The following COP1 variants were observed in gnomAD, a reference collection of about 807,000 sequenced individuals.
The protein encoded by COP1 is COP1 E3 ubiquitin ligase.
In COP1, 24 loss-of-function variants were observed where a neutral mutation model predicts 101.3. The observed-to-expected ratio is 0.24, with a 90% CI of 0.17 to 0.33. The LOEUF is 0.33. COP1 is among the 10% of genes least tolerant of loss of function. COP1 has a pLI of 1.00. For synonymous variants in COP1, 347 were observed against 341.9 expected, an observed-to-expected ratio of 1.01 and a Z score of -0.17; for missense variants, 663 against 906.2, an observed-to-expected ratio of 0.73 and a Z score of 3.45.
intron 18 of COP1, among the ~76,000 whole-genome samples, chr1:175,953,246 T>C (rs1033492198): frequency 2.0e-5 from 3 of 151,564 alleles, no homozygotes; most frequent in Middle Eastern, 3.5e-3. Context: ...AAACAGTATA[T>C]ACCTAATAAG....
At chr1:175,986,054 C>G in intron 18 of COP1, among the ~76,000 whole-genome samples, 1 of 152,174 alleles carries the variant, frequency 6.6e-6, no homozygotes. Flanking sequence ...GAGTCTCACT[C>G]TGTCGCCCAG....
intron 5 of COP1, 119 bp from the exon 6 acceptor site, chr1:176,149,193 A>G: frequency 2.1e-6 from 1 of 476,684 alleles, no homozygotes; most frequent in East Asian, 3.4e-5. Flanking sequence ...TTCGTCTATT[A>G]TTTCTATTTA....
intron 15 of COP1, among the ~76,000 whole-genome samples, chr1:176,008,459 T>C (rs761304489): frequency 1.3e-5 from 2 of 152,236 alleles, no homozygotes; most frequent in African/African-American, 2.4e-5. Flanking sequence ...ACAGAATTAT[T>C]TGTTTTTATT....
chr1:176,182,410 A>C (rs1273048589), intron 2 of COP1, among the ~76,000 whole-genome samples: 1 of 152,130 alleles, frequency 6.6e-6, no homozygotes, highest in Non-Finnish European at 1.5e-5. Flanking sequence ...AAGGGAGGAA[A>C]ATTTTGTCCC....
At chr1:176,040,691 ACT>A (rs1339750886) in intron 14 of COP1, among the ~76,000 whole-genome samples, 1 of 152,126 alleles carries the variant, frequency 6.6e-6, no homozygotes, top group Non-Finnish European at 1.5e-5. Context: ...ATGGCCCAAA[ACT>A]TTTTAGGGGC....
At chr1:176,020,276 C>T (rs1666521789) in intron 15 of COP1, among the ~76,000 whole-genome samples, 1 of 150,058 alleles carries the variant, frequency 6.7e-6, no homozygotes, top group African/African-American at 2.5e-5. Context: ...ACGCCATTGC[C>T]CTCCAGCCTG....
rs891214424 is a variant in COP1, at chr1:175,977,664, CA to C, written c.2133+9278del. ...TATGTGAGACTGTACAAGTAAAATA[CA>C]AAAAAAAGTTTCTTTTCCCCAGACA... On this transcript the variant is annotated intron_variant, in intron 18 of 19. Transcript: ENST00000367669. Among the ~76,000 whole-genome samples, 15 of 151,604 alleles carry C rather than the reference CA, an allele frequency of 9.9e-5. No individual in the cohort carries two copies. In the South Asian group the frequency reaches 1.9e-3, roughly 19 times the overall value.
intron 11 of COP1, among the ~76,000 whole-genome samples, chr1:176,071,524 G>A (rs1275870904): frequency 1.3e-5 from 2 of 152,058 alleles, no homozygotes; most frequent in African/African-American, 4.8e-5. Context: ...GAATAGGTAT[G>A]ATTTTGAAAA....
chr1:176,126,811 G>A (rs1396844707), intron 8 of COP1, among the ~76,000 whole-genome samples: 7 of 152,084 alleles, frequency 4.6e-5, no homozygotes, highest in Non-Finnish European at 2.9e-5. Flanking sequence ...CTTTCATTCT[G>A]TTGATGATTT....
intron 18 of COP1, among the ~76,000 whole-genome samples, chr1:175,980,002 T>G (rs2148672341): frequency 6.6e-6 from 1 of 151,874 alleles, no homozygotes; most frequent in East Asian, 1.9e-4. Context: ...ATAGCAAACA[T>G]GTATCGCTTT....
chr1:176,132,505 A>G (rs1298575883), intron 8 of COP1, among the ~76,000 whole-genome samples: 7 of 150,668 alleles, frequency 4.6e-5, no homozygotes, highest in African/African-American at 1.5e-4. Flanking sequence ...GGGGGTATGT[A>G]TGTGTGTGTG....
In COP1 at chr1:176,207,147, A is replaced by T; in HGVS notation, c.-169T>A. On this transcript the variant is annotated 5_prime_UTR_variant, in exon 1 of 20. Transcript: ENST00000367669. ...TTTTTTTTTAAGGCAGCCACACAAC[A>T]GCGTCCCACGGGAGGGGGCGGAGGA... is the stretch of plus-strand genomic sequence containing the variant. 1 of 475,434 alleles carries T rather than the reference A, an allele frequency of 2.1e-6. No homozygotes were observed. The highest frequency in any genetic ancestry group is 3.5e-6 in the Non-Finnish European group (1 of 283,602). The allele number at this position is 475,434 out of a possible 1,614,324, so 29.5% of individuals were successfully genotyped here.
At chr1:176,034,189 T>C (rs1669094763) in intron 14 of COP1, among the ~76,000 whole-genome samples, 1 of 152,152 alleles carries the variant, frequency 6.6e-6, no homozygotes, top group Non-Finnish European at 1.5e-5. Flanking sequence ...AAGAGTACCA[T>C]TTTTCCCCCT....
intron 1 of COP1, among the ~76,000 whole-genome samples, chr1:176,201,374 A>G: frequency 6.6e-6 from 1 of 152,164 alleles, no homozygotes; most frequent in Non-Finnish European, 1.5e-5. Flanking sequence ...GGTTAAAATA[A>G]TTATATAAAA....
chr1:176,100,385 T>C (rs1395070679), intron 9 of COP1: 1 of 56,308 alleles, frequency 1.8e-5, no homozygotes, highest in Non-Finnish European at 4.2e-5. Context: ...CGAGACTTTG[T>C]CTCAAAAAAA....
chr1:176,206,716 C>A lies in COP1; in HGVS notation c.263G>T (p.Arg88Leu). Reference protein sequence around the residue: ...GGGAVSTGLSRHSCAARPSAG... With the variant: ...GGGAVSTGLSLHSCAARPSAG... ...GCTGGGCCTGGCCGCGCAGCTGTGC[C>A]GGGACAGGCCCGTGGACACCGCCCC... Residue 88 changes from arginine to leucine, a missense_variant, in exon 1 of 20, where the codon CGG becomes CTG. Transcript: ENST00000367669. 6.3e-7 allele frequency: 1 copy of A among 1,592,632 alleles called. No individual in the cohort carries two copies. Among genetic ancestry groups the A allele is most frequent in the African/African-American group, 1.3e-5 (1 of 74,706 alleles).
At chr1:176,017,904 T>C (rs905476230) in intron 15 of COP1, among the ~76,000 whole-genome samples, 6 of 152,298 alleles carry the variant, frequency 3.9e-5, no homozygotes, top group African/African-American at 1.2e-4. Flanking sequence ...TATACTGTTT[T>C]AGAGAACTGA....
At chr1:176,185,464 A>G (rs1218811079) in intron 1 of COP1, among the ~76,000 whole-genome samples, 2 of 152,228 alleles carry the variant, frequency 1.3e-5, no homozygotes, top group Non-Finnish European at 2.9e-5. Flanking sequence ...TAAAAAACAG[A>G]ATACTCAAAA....
At chr1:176,015,996 A>G (rs1224229105) in intron 15 of COP1, among the ~76,000 whole-genome samples, 1 of 152,318 alleles carries the variant, frequency 6.6e-6, no homozygotes, top group East Asian at 1.9e-4. Context: ...AATGAGATAC[A>G]TGGCTTGGAC....
Sources: allele counts gnomAD v4.1 joint callset (sites outside exome capture counted in the v4.1 genomes callset), GRCh38; gene constraint gnomAD v4.1.1; transcripts MANE v1.5; gene names NCBI Gene and HGNC (gene_info 2026-07-23, HGNC 2026-07-21).